THNSL1: variants seen among roughly 807,000 people sequenced by gnomAD.
THNSL1 encodes the protein threonine synthase like 1.
THNSL1 carries 48 observed loss-of-function variants against 50.4 expected under a neutral mutation model. The ratio of observed to expected loss-of-function variants is 0.95; its 90% CI spans 0.76 to 1.21. THNSL1 has a LOEUF of 1.21. THNSL1 is among the 50% of genes most tolerant of loss of function. The pLI is 0.00. For synonymous variants in THNSL1, 309 were observed against 306.1 expected (o/e 1.01, Z -0.10); for missense variants, 896 against 871.7 (o/e 1.03, Z -0.35).
chr10:25,015,969 C>A, upstream of THNSL1: 1 of 1,589,948 alleles, frequency 6.3e-7, no homozygotes, highest in East Asian at 2.3e-5. Flanking sequence ...AGCTACTCTC[C>A]ACAACTTTTT....
the THNSL1 span, among the ~76,000 whole-genome samples, chr10:24,993,367 C>T: frequency 2.6e-5 from 4 of 152,222 alleles, no homozygotes; most frequent in Non-Finnish European, 4.4e-5. Flanking sequence ...ATTTAATCCT[C>T]ACTACAACCC....
chr10:24,992,471 A>T, the THNSL1 span, among the ~76,000 whole-genome samples: 1 of 152,182 alleles, frequency 6.6e-6, no homozygotes, highest in African/African-American at 2.4e-5. Context: ...TTGTCCTCAT[A>T]AAGTAAGATG....
At chr10:25,018,050 T>C (rs1826744272) in intron 1 of THNSL1, among the ~76,000 whole-genome samples, 1 of 152,204 alleles carries the variant, frequency 6.6e-6, no homozygotes, top group Admixed American at 6.5e-5. Context: ...CAACTGGCCT[T>C]TGGTAGCCTT....
chr10:25,005,760 T>C, the THNSL1 span, among the ~76,000 whole-genome samples: 1 of 152,224 alleles, frequency 6.6e-6, no homozygotes, highest in Non-Finnish European at 1.5e-5. Flanking sequence ...TGGTTGTCTG[T>C]CATAGCTCTG....
the THNSL1 span, among the ~76,000 whole-genome samples, chr10:25,002,535 A>G: frequency 6.6e-6 from 1 of 152,106 alleles, no homozygotes. Flanking sequence ...TCTTTTATAG[A>G]TGACCACTCT....
the THNSL1 span, among the ~76,000 whole-genome samples, chr10:24,998,062 TCCATCTTG>T: frequency 1.3e-5 from 2 of 152,296 alleles, no homozygotes; most frequent in Non-Finnish European, 2.9e-5. Context: ...ACTTGCTTCT[TCCATCTTG>T]CCATCTTGCC....
At chr10:24,988,067 C>A in the THNSL1 span, among the ~76,000 whole-genome samples, 8 of 151,156 alleles carry the variant, frequency 5.3e-5, no homozygotes, top group African/African-American at 1.9e-4. Flanking sequence ...CTAAAAAATA[C>A]AAAAAAATTA....
At chr10:25,002,019 G>A in the THNSL1 span, among the ~76,000 whole-genome samples, 2 of 151,764 alleles carry the variant, frequency 1.3e-5, no homozygotes, top group African/African-American at 4.8e-5. Flanking sequence ...CTTTTTTCTG[G>A]GATTCAGTTA....
At chr10:24,997,001 G>A in the THNSL1 span, among the ~76,000 whole-genome samples, 2 of 152,170 alleles carry the variant, frequency 1.3e-5, no homozygotes. Context: ...GGAAGAACAC[G>A]TAAAGATACA....
At chr10:24,968,460 C>A in the THNSL1 span, among the ~76,000 whole-genome samples, 1 of 152,116 alleles carries the variant, frequency 6.6e-6, no homozygotes, top group African/African-American at 2.4e-5. Flanking sequence ...CCTTGCTCAT[C>A]CAGGAGCTAA....
Position 25,024,731 on chromosome 10 carries a change from A to C in THNSL1, c.1508A>C (p.Asp503Ala). ...TTTATTTCTTTTGGAAGCCCAGTCGATGTCTGTATTCCCACAGGAAACTTT... is the reference window on the plus strand; with the variant it reads ...TTTATTTCTTTTGGAAGCCCAGTCGCTGTCTGTATTCCCACAGGAAACTTT... ...QGFISFGSPV[D>A]VCIPTGNFGN... is the part of the protein sequence containing the mutation. The change falls in exon 3 of 3, where the codon GAT (aspartate) becomes GCT (alanine). Residue 503 changes from aspartate to alanine, a missense_variant. Transcript: ENST00000376356. 6.2e-7 allele frequency: 1 copy of C among 1,614,186 alleles called. No homozygotes were observed. The highest frequency in any genetic ancestry group is 8.5e-7 in the Non-Finnish European group (1 of 1,180,028).
the THNSL1 span, among the ~76,000 whole-genome samples, chr10:24,990,278 A>G: frequency 6.6e-6 from 1 of 152,224 alleles, no homozygotes; most frequent in Admixed American, 6.5e-5. Context: ...ATGAATCCCT[A>G]TATCACAACT....
In THNSL1 at chr10:25,024,477, A is replaced by C. The variant is rs368715418; in HGVS notation, c.1254A>C (p.Ala418=). 33 of 1,614,118 alleles carry C rather than the reference A, an allele frequency of 2.0e-5. No individual in the cohort carries two copies. The highest frequency in any genetic ancestry group is 3.3e-5 in the Admixed American group (2 of 60,012). ...PENGVSDFQK[A]QIIGSQRENG... ...ATGGAGTAAGTGATTTTCAAAAAGC[A>C]CAAATAATTGGCAGTCAGAGAGAAA... Residue 418 remains alanine, a synonymous_variant, in exon 3 of 3, where the codon GCA becomes GCC. Coordinates refer to ENST00000376356, the MANE Select transcript of THNSL1 (RefSeq NM_024838.5).
intron 1 of THNSL1, among the ~76,000 whole-genome samples, chr10:25,018,160 T>A (rs555110211): frequency 2.0e-5 from 3 of 152,352 alleles, no homozygotes; most frequent in South Asian, 4.1e-4. Context: ...CTCACTGTGG[T>A]ATAGTTAGTT....
chr10:25,020,905 T>C (rs770276801), intron 1 of THNSL1, among the ~76,000 whole-genome samples: 40 of 152,204 alleles, frequency 2.6e-4, no homozygotes, highest in Non-Finnish European at 5.6e-4. Context: ...GACTGTTTTA[T>C]GTAAGTGCCC....
chr10:25,025,250 T>C lies in THNSL1; in HGVS notation c.2027T>C (p.Met676Thr), dbSNP rs910201191. 1 of 1,614,202 alleles carries C rather than the reference T, an allele frequency of 6.2e-7. No individual in the cohort carries two copies. The highest frequency in any genetic ancestry group is 8.5e-7 in the Non-Finnish European group (1 of 1,180,016). The stretch of plus-strand genomic sequence containing the variant: ...TACTCAAAGTTTGCACCTGCTATCA[T>C]GCAGGCTTTAAAGATTAAAGAAATC... ...AHYSKFAPAI[M>T]QALKIKEINE... Residue 676 changes from methionine (M) to threonine (T), a missense_variant, in exon 3 of 3, where the codon ATG (methionine) becomes ACG (threonine). Transcript: ENST00000376356.
the THNSL1 span, among the ~76,000 whole-genome samples, chr10:24,975,847 C>T: frequency 1.3e-5 from 2 of 152,194 alleles, no homozygotes; most frequent in Non-Finnish European, 2.9e-5. Context: ...ACAATAGCTA[C>T]ATTGAATGTT....
At chr10:24,960,522 G>A in the THNSL1 span, among the ~76,000 whole-genome samples, 1 of 152,072 alleles carries the variant, frequency 6.6e-6, no homozygotes, top group African/African-American at 2.4e-5. Flanking sequence ...CACCTCCTGA[G>A]TTCAAGCGAT....
At chr10:24,990,725 A>C in the THNSL1 span, 1 of 1,048,060 alleles carries the variant, frequency 9.5e-7, no homozygotes, top group Non-Finnish European at 1.3e-6. Flanking sequence ...CCTTTGTTCA[A>C]AACCCTGTAA....
Sources: gnomAD v4.1 joint callset for allele counts (sites outside exome capture counted in the v4.1 genomes callset) on GRCh38, gnomAD v4.1.1 for gene constraint, MANE v1.5 for transcripts, NCBI Gene and HGNC (gene_info 2026-07-23, HGNC 2026-07-21) for gene names.